The following TRIM62 variants were observed in gnomAD, a reference collection of about 807,000 sequenced individuals.
The protein encoded by TRIM62 is tripartite motif containing 62, also known as E3 ubiquitin-protein ligase TRIM62.
In TRIM62, 39 loss-of-function variants were observed where a neutral mutation model predicts 44.2. The ratio of observed to expected loss-of-function variants is 0.88; its 90% CI spans 0.68 to 1.15. The LOEUF (loss-of-function observed/expected upper bound fraction) is 1.15. Among genes scored for constraint, TRIM62 ranks in the 50% most tolerant of loss-of-function variants. TRIM62 has a pLI of 0.00. For missense variants in TRIM62, 544 were observed against 665.5 expected, an observed-to-expected ratio of 0.82 and a Z score of 2.01; for synonymous variants, 278 against 292.3, an observed-to-expected ratio of 0.95 and a Z score of 0.50.
At chr1:33,157,034 C>A (rs542393009) in intron 4 of TRIM62, among the ~76,000 whole-genome samples, 12 of 150,076 alleles carry the variant, frequency 8.0e-5, no homozygotes, top group African/African-American at 9.8e-5. Flanking sequence ...TCCTTCACCC[C>A]CTTCGGTCTA....
chr1:33,162,366 A>C (rs1645280179), intron 2 of TRIM62, among the ~76,000 whole-genome samples: 1 of 152,230 alleles, frequency 6.6e-6, no homozygotes, highest in Admixed American at 6.5e-5. Flanking sequence ...CTAGCTTGAA[A>C]GTGACCTCTT....
chr1:33,172,857 G>C (rs1022058168), intron 1 of TRIM62, among the ~76,000 whole-genome samples: 1 of 152,176 alleles, frequency 6.6e-6, no homozygotes, highest in Admixed American at 6.5e-5. Context: ...CATCAGAAAA[G>C]CCTGTGTTCA....
chr1:33,149,300 G>A (rs534671358), intron 4 of TRIM62, among the ~76,000 whole-genome samples: 48 of 152,170 alleles, frequency 3.2e-4, no homozygotes, highest in African/African-American at 1.2e-3. Context: ...TTATAGGCAC[G>A]CGCCACCACG....
rs776495877 is a variant in TRIM62, at chr1:33,181,458, G to T, written c.-26C>A. Reference sequence around the variant, plus strand: ...GGCGCCAGGGGCAGCAGAGAGGGGGGCCCGAGGGGCAGGGGGGCGGCTGAG... The same window carrying T: ...GGCGCCAGGGGCAGCAGAGAGGGGGTCCCGAGGGGCAGGGGGGCGGCTGAG... On this transcript the variant is annotated 5_prime_UTR_variant, in exon 1 of 5. Coordinates refer to ENST00000291416, the MANE Select transcript of TRIM62 (RefSeq NM_018207.3). This position sits in a 1 kb window ranked among gnomAD's most constrained non-coding sequence, Gnocchi z 6.5. 1.9e-6 allele frequency: 3 copies of T among 1,566,686 alleles called. No homozygotes were observed. The highest frequency in any genetic ancestry group is 2.3e-5 in the South Asian group (2 of 85,916).
intron 3 of TRIM62, 32 bp from the exon 4 acceptor site, chr1:33,158,400 A>G: frequency 1.3e-6 from 2 of 1,595,506 alleles, no homozygotes; most frequent in Non-Finnish European, 1.7e-6. Context: ...GGGCTGCACC[A>G]GGGACTGGAT....
chr1:33,165,658 G>T lies in TRIM62; in HGVS notation c.409-92C>A. The T allele has an allele frequency of 8.8e-7, 1 of 1,141,656 alleles. No homozygotes were observed. Among genetic ancestry groups the T allele is most frequent in the Non-Finnish European group, 1.2e-6 (1 of 834,884 alleles). 70.7% of individuals were successfully genotyped at this position (1,141,656 alleles called of 1,614,324 possible). A position where few individuals can be genotyped will look rare whatever the true frequency, so the allele number is the denominator to read the frequency against. ...ACTGCCAGGCGCTGGGGGTTAGCCT[G>T]GTCTCTGTCCCCAACCTCCAACACT... On this transcript the variant is annotated intron_variant, in intron 1 of 4. Transcript: ENST00000291416. This position sits in a 1 kb window ranked among gnomAD's most constrained non-coding sequence, Gnocchi z 4.0.
At chr1:33,160,402 T>G (rs1645248868) in intron 2 of TRIM62, among the ~76,000 whole-genome samples, 1 of 151,854 alleles carries the variant, frequency 6.6e-6, no homozygotes, top group Non-Finnish European at 1.5e-5. Context: ...TTTTTTTGCT[T>G]TTATTATTAT....
chr1:33,180,937 G>T, intron 1 of TRIM62, 88 bp downstream of exon 1: 1 of 915,180 alleles, frequency 1.1e-6, no homozygotes, highest in Non-Finnish European at 1.5e-6. Context: ...ACTGGGCCTG[G>T]CCCGCGGTCC....
Position 33,181,378 on chromosome 1 carries a change from G to A in TRIM62, c.55C>T (p.Gln19Ter). 1.2e-6 allele frequency: 2 copies of A among 1,601,438 alleles called. No individual in the cohort carries two copies. The highest frequency in any genetic ancestry group is 1.7e-6 in the Non-Finnish European group (2 of 1,176,586). Residue 19 changes from glutamine (Q) to a stop codon, truncating the protein, a stop_gained, in exon 1 of 5, where the codon CAG becomes TAG. Coordinates refer to ENST00000291416, the MANE Select transcript of TRIM62 (RefSeq NM_018207.3). LOFTEE classifies it high-confidence loss of function. The surrounding 1 kb of genome is among the most constrained non-coding windows in gnomAD (Gnocchi z 6.5). ...LLCSICLSIY[Q>*]DPVSLGCEHY... is the part of the protein sequence containing the mutation. ...TCGCAGCCCAGGCTCACCGGGTCCT[G>A]GTAGATGCTCAGGCAGATGGAGCAC...
chr1:33,153,893 G>A (rs1645136514), intron 4 of TRIM62, among the ~76,000 whole-genome samples: 1 of 152,166 alleles, frequency 6.6e-6, no homozygotes, highest in Non-Finnish European at 1.5e-5. Context: ...ATCAGACCTG[G>A]CCCCTGACCC....
rs1227266874 is a variant in TRIM62, at chr1:33,146,450, G to C, written c.*727C>G. ...ATCATCCAGGGAGGCTTGTCCTGCA[G>C]TTGCTTTTAGGCTAATGGGCTCTGC... On this transcript the variant is annotated 3_prime_UTR_variant, in exon 5 of 5. Coordinates refer to ENST00000291416, the MANE Select transcript of TRIM62 (RefSeq NM_018207.3). The C allele has an allele frequency of 6.3e-6, 1 of 159,224 alleles. No homozygotes were observed. Among genetic ancestry groups the C allele is most frequent in the African/African-American group, 2.4e-5 (1 of 41,506 alleles). The allele number at this position is 159,224 out of a possible 1,614,324, so 9.9% of individuals were successfully genotyped here. A position where few individuals can be genotyped will look rare whatever the true frequency, so the allele number is the denominator to read the frequency against.
chr1:33,170,298 T>C (rs1645362897), intron 1 of TRIM62, among the ~76,000 whole-genome samples: 1 of 145,200 alleles, frequency 6.9e-6, no homozygotes, highest in Non-Finnish European at 1.5e-5. Context: ...CACTCCAGCC[T>C]GGGTGACACA....
chr1:33,156,768 T>C (rs1645184269), intron 4 of TRIM62, among the ~76,000 whole-genome samples: 1 of 152,236 alleles, frequency 6.6e-6, no homozygotes, highest in Non-Finnish European at 1.5e-5. Flanking sequence ...AGATAACTAA[T>C]TGGCATCACA....
intron 4 of TRIM62, among the ~76,000 whole-genome samples, chr1:33,155,056 G>T (rs1355532974): frequency 7.0e-6 from 1 of 142,318 alleles, no homozygotes; most frequent in East Asian, 2.4e-4. Context: ...TCGCGCCACT[G>T]CACTCCAGCC....
At chr1:33,155,646 C>G (rs1489321782) in intron 4 of TRIM62, among the ~76,000 whole-genome samples, 2 of 152,172 alleles carry the variant, frequency 1.3e-5, no homozygotes. Context: ...GGACAAGTTC[C>G]TAACAGCTCT....
At position 33,147,843 on chromosome 1, in the gene TRIM62, G is replaced by A; in HGVS notation, c.878-116C>T. 3 of 1,153,410 alleles carry A rather than the reference G, an allele frequency of 2.6e-6. No individual in the cohort carries two copies. The highest frequency in any genetic ancestry group is 3.6e-6 in the Non-Finnish European group (3 of 824,984). The allele number at this position is 1,153,410 out of a possible 1,614,324, so 71.4% of individuals were successfully genotyped here. ...GTACGCAGGAGGCCTCTGACCTGCT[G>A]TGTGACCTTGAATACAAGTCTGCCC... On this transcript the variant is annotated intron_variant, in intron 4 of 4. Coordinates refer to ENST00000291416, the MANE Select transcript of TRIM62 (RefSeq NM_018207.3). This position sits in a 1 kb window ranked among gnomAD's most constrained non-coding sequence, Gnocchi z 8.1.
chr1:33,181,185 A>G lies in TRIM62; in HGVS notation c.248T>C (p.Ile83Thr). 3 of 1,594,336 alleles carry G rather than the reference A, an allele frequency of 1.9e-6. No individual in the cohort carries two copies. The highest frequency in any genetic ancestry group is 1.1e-5 in the South Asian group (1 of 89,666). Residue 83 changes from isoleucine (I) to threonine (T), a missense_variant, in exon 1 of 5, where the codon ATC (isoleucine) becomes ACC (threonine). Coordinates refer to ENST00000291416, the MANE Select transcript of TRIM62 (RefSeq NM_018207.3). The surrounding 1 kb of genome is among the most constrained non-coding windows in gnomAD (Gnocchi z 6.5). ...ERYSSFPLDA[I>T]LNARRAARPC... ...TCGCGCGGCGCGGCGCGCGTTGAGG[A>G]TGGCGTCCAGCGGGAAGGAGCTGTA...
intron 1 of TRIM62, among the ~76,000 whole-genome samples, chr1:33,171,479 C>T (rs966753790): frequency 1.3e-5 from 2 of 152,106 alleles, no homozygotes; most frequent in Non-Finnish European, 2.9e-5. Flanking sequence ...TCAGTGGCTC[C>T]GAAAATCCAT....
intron 1 of TRIM62, among the ~76,000 whole-genome samples, chr1:33,168,619 C>T (rs1002660550): frequency 1.3e-5 from 2 of 152,220 alleles, no homozygotes; most frequent in African/African-American, 4.8e-5. Flanking sequence ...GCAGCTACTT[C>T]AGCCAGGGCT....
Sources: allele counts gnomAD v4.1 joint callset (sites outside exome capture counted in the v4.1 genomes callset), GRCh38; gene constraint gnomAD v4.1.1; non-coding constraint Gnocchi (gnomAD v3.1); transcripts MANE v1.5; gene names NCBI Gene and HGNC (gene_info 2026-07-23, HGNC 2026-07-21).